Variants in HAP1 observed in about 807,000 individuals in gnomAD.
The protein encoded by HAP1 is huntingtin-associated protein 1.
A neutral mutation model predicts 60.3 loss-of-function variants in HAP1; 59 were observed. The ratio of observed to expected loss-of-function variants is 0.98; its 90% CI spans 0.79 to 1.22. HAP1 has a LOEUF of 1.22. Ranked by LOEUF, HAP1 falls within the 50% of genes most tolerant of loss-of-function variation. The pLI is 0.00. For synonymous variants in HAP1, 346 were observed against 330.6 expected, an observed-to-expected ratio of 1.05 and a Z score of -0.50; for missense variants, 825 against 785.3, an observed-to-expected ratio of 1.05 and a Z score of -0.60.
chr17:41,731,670 G>A lies in HAP1; in HGVS notation c.970C>T (p.Leu324=). The change falls in exon 5 of 11, where the codon CTG becomes TTG. Residue 324 remains leucine, a synonymous_variant. Transcript: ENST00000347901. ...LEALQEKLRL[L]EEENHQLREE... ...CTCAGCTGATGATTCTCCTCCTCCAGCAGCCTCAGCTTCTCCTGCAAGGCT... is the reference window on the plus strand; with the variant it reads ...CTCAGCTGATGATTCTCCTCCTCCAACAGCCTCAGCTTCTCCTGCAAGGCT... The A allele has an allele frequency of 2.5e-6, 4 of 1,614,004 alleles. No homozygotes were observed. The highest frequency in any genetic ancestry group is 3.4e-6 in the Non-Finnish European group (4 of 1,179,870).
intron 6 of HAP1, 82 bp from the exon 7 acceptor site, chr17:41,728,413 C>T: frequency 3.0e-6 from 4 of 1,334,330 alleles, no homozygotes; most frequent in Non-Finnish European, 4.2e-6. Context: ...GCCTCTGTCT[C>T]CCCCACCCTC....
intron 4 of HAP1, 45 bp downstream of exon 4, chr17:41,731,892 T>C: frequency 1.2e-6 from 1 of 825,804 alleles, no homozygotes; most frequent in Non-Finnish European, 2.0e-6. Context: ...ATGAGGAAAT[T>C]GAGGCTCAGA....
chr17:41,733,351 G>GTT lies in HAP1; in HGVS notation c.470-554_470-553insAA, dbSNP rs1555591679. ...TTACAGGCGTCAGCCACCGCGCCCG[G>GTT]CTTTTTTTTTTTTTTTTTTTTTTTT... On this transcript the variant is annotated intron_variant, in intron 1 of 10. Transcript: ENST00000347901. 1.4e-3 allele frequency among the ~76,000 whole-genome samples: 64 copies of GTT among 45,958 alleles called. No individual in the cohort carries two copies. In the South Asian group the frequency reaches 0.016, roughly 12 times the overall value. The allele number at this position is 45,958 out of a possible 152,430, so 30.2% of individuals were successfully genotyped here.
chr17:41,731,467 C>T (rs1555590815), intron 6 of HAP1, 26 bp downstream of exon 6: 8 of 1,530,598 alleles, frequency 5.2e-6, no homozygotes, highest in African/African-American at 2.7e-5. Context: ...GGACAACCCC[C>T]CACCCCGAGT....
intron 6 of HAP1, among the ~76,000 whole-genome samples, chr17:41,729,034 G>A (rs970392485): frequency 7.2e-5 from 11 of 152,080 alleles, no homozygotes; most frequent in Middle Eastern, 3.4e-3. Flanking sequence ...ACTGCCGCCC[G>A]AGTCCAAGCG....
rs149889145 is a variant in HAP1 at position 41,734,609 on chromosome 17, C to T, written c.26G>A (p.Cys9Tyr). ...GGGTCCGAGCCGGCTCCCCGCGCAGCACCGGCCCAACCTCTTCGGGCGCAT... is the reference window on the plus strand; with the variant it reads ...GGGTCCGAGCCGGCTCCCCGCGCAGTACCGGCCCAACCTCTTCGGGCGCAT... Reference protein sequence around the residue: MRPKRLGRCCAGSRLGPGD... With the variant: MRPKRLGRYCAGSRLGPGD... The change falls in exon 1 of 11, where the codon TGC becomes TAC. Residue 9 changes from cysteine to tyrosine, a missense_variant. Transcript: ENST00000347901. 87 of 1,562,630 alleles carry T rather than the reference C, an allele frequency of 5.6e-5. No homozygotes were observed. In the African/African-American group the frequency reaches 1.1e-3, roughly 19 times the overall value.
At chr17:41,727,949 A>T in intron 7 of HAP1, 113 bp from the exon 8 acceptor site, 1 of 742,064 alleles carries the variant, frequency 1.3e-6, no homozygotes, top group East Asian at 2.5e-5. Flanking sequence ...AGCCCATGAA[A>T]TGACAAGTCA....
rs781989790 is a variant in HAP1 at position 41,731,946 on chromosome 17, G to A, written c.887C>T (p.Ala296Val). ...EDLQCAHPCD[A>V]PKLISQEALL... The stretch of plus-strand genomic sequence containing the variant: ...AAAGGCAGGAACTCACAGCTTAGGG[G>A]CATCACAGGGATGAGCACACTGCAG... The change falls in exon 4 of 11, where the codon GCC (alanine) becomes GTC (valine). Residue 296 changes from alanine (A) to valine (V), a missense_variant. Coordinates refer to ENST00000347901, the MANE Select transcript of HAP1 (RefSeq NM_177977.3). 2 of 900,992 alleles carry A rather than the reference G, an allele frequency of 2.2e-6. No homozygotes were observed. Among genetic ancestry groups the A allele is most frequent in the Non-Finnish European group, 3.6e-6 (2 of 550,904 alleles). The allele number at this position is 900,992 out of a possible 1,614,324, so 55.8% of individuals were successfully genotyped here. A position where few individuals can be genotyped will look rare whatever the true frequency, so the allele number is the denominator to read the frequency against.
downstream of HAP1, among the ~76,000 whole-genome samples, chr17:41,719,182 G>T (rs1480351121): frequency 6.6e-6 from 1 of 151,884 alleles, no homozygotes; most frequent in African/African-American, 2.4e-5. Flanking sequence ...GTTTCACCAT[G>T]TTGTCTAGGC....
chr17:41,724,872 G>T lies in HAP1; in HGVS notation c.1689C>A (p.Ser563Arg). ...TGTCCAGGTGTGAAGGGCCCAAGCC[G>T]CTGGCCTCCAGGGCTGATGTCACCA... is the stretch of plus-strand genomic sequence containing the variant. ...MNVVTSALEASGLGPSHLDMN... is the reference protein window; with the variant it reads ...MNVVTSALEARGLGPSHLDMN... Residue 563 changes from serine (S) to arginine (R), a missense_variant, in exon 11 of 11, where the codon AGC becomes AGA. Ser to Arg is a moderately radical substitution (Grantham distance 110, BLOSUM62 -1). Transcript: ENST00000347901. 1.2e-6 allele frequency: 2 copies of T among 1,613,620 alleles called. No homozygotes were observed. The highest frequency in any genetic ancestry group is 1.7e-4 in the Middle Eastern group (1 of 6,060).
chr17:41,727,356 C>T (rs148261965), intron 8 of HAP1: 30 of 780,626 alleles, frequency 3.8e-5, no homozygotes, highest in Admixed American at 1.0e-4. Context: ...GGGTTGCTGG[C>T]GGAGGGTCTT....
chr17:41,734,457 A>G lies in HAP1; in HGVS notation c.178T>C (p.Phe60Leu), dbSNP rs782063686. ...GCTCCGGTGCGGGCTTCCGAGAGGA[A>G]CTGGGATCCAGAGGTGGCTCGGGAT... is the stretch of plus-strand genomic sequence containing the variant. ...VGSRATSGSQ[F>L]LSEARTGARP... The change falls in exon 1 of 11, where the codon TTC (phenylalanine) becomes CTC (leucine). Residue 60 changes from phenylalanine to leucine, a missense_variant. Transcript: ENST00000347901. 1.3e-5 allele frequency: 21 copies of G among 1,609,828 alleles called. No individual in the cohort carries two copies. The East Asian group carries it at 1.8e-4, about 14-fold the overall frequency.
At position 41,732,025 on chromosome 17, in the gene HAP1, C is replaced by G; in HGVS notation, c.808G>C (p.Glu270Gln). ...DEEDEDEEEE[E>Q]EEKEAEEEQE... ...TCCTCTTCTGCCTCCTTTTCTTCCT[C>G]CTCCTCTTCTTCATCCTCATCCTCC... The change falls in exon 4 of 11, where the codon GAG becomes CAG. Residue 270 changes from glutamate to glutamine, a missense_variant. Coordinates refer to ENST00000347901, the MANE Select transcript of HAP1 (RefSeq NM_177977.3). 6.5e-7 allele frequency: 1 copy of G among 1,534,636 alleles called. No individual in the cohort carries two copies. Among genetic ancestry groups the G allele is most frequent in the Non-Finnish European group, 9.0e-7 (1 of 1,107,880 alleles).
rs1311593945 is a variant in HAP1 at position 41,734,543 on chromosome 17, G to A, written c.92C>T (p.Ala31Val). The change falls in exon 1 of 11, where the codon GCC (alanine) becomes GTC (valine). Residue 31 changes from alanine to valine, a missense_variant. Physicochemically the swap from Ala to Val is moderately conservative, Grantham distance 64. Coordinates refer to ENST00000347901, the MANE Select transcript of HAP1 (RefSeq NM_177977.3). ...CGCAGAGGGCTCCGGAGCGGGACTG[G>A]CTGAGGGCGAAGGTGCACAGGTGAG... Reference protein sequence around the residue: ...AALTCAPSPSASPAPEPSAQP... With the variant: ...AALTCAPSPSVSPAPEPSAQP... 2 of 1,610,038 alleles carry A rather than the reference G, an allele frequency of 1.2e-6. No individual in the cohort carries two copies. Among genetic ancestry groups the A allele is most frequent in the Non-Finnish European group, 1.7e-6 (2 of 1,179,306 alleles).
chr17:41,719,769 A>T (rs782760109), downstream of HAP1, among the ~76,000 whole-genome samples: 3 of 152,232 alleles, frequency 2.0e-5, no homozygotes, highest in Non-Finnish European at 4.4e-5. Context: ...ACCACTACCA[A>T]AAAGTGTATT....
intron 6 of HAP1, among the ~76,000 whole-genome samples, chr17:41,729,688 C>G (rs1205395629): frequency 6.7e-6 from 1 of 149,722 alleles, no homozygotes; most frequent in Non-Finnish European, 1.5e-5. Context: ...CCAACCTGGC[C>G]AACATGGTGA....
chr17:41,723,005 G>T lies in HAP1; in HGVS notation c.*1696C>A, dbSNP rs1156804983. 6.6e-6 allele frequency: 1 copy of T among 152,516 alleles called. No homozygotes were observed. Among genetic ancestry groups the T allele is most frequent in the African/African-American group, 2.4e-5 (1 of 41,446 alleles). 9.4% of individuals were successfully genotyped at this position (152,516 alleles called of 1,614,324 possible). ...ACAGTAGGTAGGGACTGAGAAGAAA[G>T]GATGAAGAACAGGGAAGACAGCCAG... On this transcript the variant is annotated 3_prime_UTR_variant, in exon 11 of 11. Transcript: ENST00000347901.
Position 41,727,752 on chromosome 17 carries a change from C to T in HAP1, c.1275+10G>A, listed in dbSNP as rs201549652. The T allele has an allele frequency of 1.3e-5, 21 of 1,596,050 alleles. No individual in the cohort carries two copies. Among genetic ancestry groups the T allele is most frequent in the African/African-American group, 4.0e-5 (3 of 74,736 alleles). ...CCAGGGTGGGGGCAGAAGCCGGCAG[C>T]GAGACTCACCTCTTCCTGGAGCTGC... On this transcript the variant is annotated intron_variant, in intron 8 of 10. Coordinates refer to ENST00000347901, the MANE Select transcript of HAP1 (RefSeq NM_177977.3).
At chr17:41,728,432 C>T (rs4796694) in intron 6 of HAP1, 101 bp from the exon 7 acceptor site, 839,388 of 1,082,474 alleles carry the variant, frequency 0.78, 328,293 homozygotes, top group East Asian at 0.88. Context: ...TCGGCTGCTG[C>T]GCTGTGCCAG....
Sources: gnomAD v4.1 joint callset for allele counts (sites outside exome capture counted in the v4.1 genomes callset) on GRCh38, gnomAD v4.1.1 for gene constraint, MANE v1.5 for transcripts, NCBI Gene and HGNC (gene_info 2026-07-23, HGNC 2026-07-21) for gene names.